The following NCAM2 variants were observed in gnomAD, a reference collection of about 807,000 sequenced individuals.
The protein encoded by NCAM2 is N-CAM-2.
A neutral mutation model predicts 98.1 loss-of-function variants in NCAM2; 30 were observed. The observed-to-expected ratio is 0.31, with a 90% confidence interval of 0.23 to 0.41. The LOEUF (loss-of-function observed/expected upper bound fraction) is 0.41, where lower values mean the gene tolerates loss of function less well. Ranked by LOEUF, NCAM2 falls within the 10% of genes least tolerant of loss-of-function variation. NCAM2 has a pLI of 1.00. For synonymous variants in NCAM2, 368 were observed against 342.4 expected (o/e 1.07, Z -0.83); for missense variants, 867 against 1,005.8 (o/e 0.86, Z 1.87).
At chr21:21,394,802 C>G (rs549225202) in intron 9 of NCAM2, among the ~76,000 whole-genome samples, 1 of 152,184 alleles carries the variant, frequency 6.6e-6, no homozygotes, top group Admixed American at 6.5e-5. Context: ...GAAAGACAAT[C>G]TATTACAATA....
intron 15 of NCAM2, among the ~76,000 whole-genome samples, chr21:21,486,317 A>C (rs1294653946): frequency 6.6e-6 from 1 of 150,906 alleles, no homozygotes; most frequent in Non-Finnish European, 1.5e-5. Flanking sequence ...AAAAAAAAAA[A>C]AAAAAAAAAA....
chr21:21,324,801 T>C (rs980889943), intron 6 of NCAM2, among the ~76,000 whole-genome samples: 4 of 152,124 alleles, frequency 2.6e-5, no homozygotes, highest in African/African-American at 4.8e-5. Flanking sequence ...AAACATTTTA[T>C]TATCATTACA....
At chr21:21,417,086 A>C (rs2077010203) in intron 10 of NCAM2, among the ~76,000 whole-genome samples, 1 of 152,140 alleles carries the variant, frequency 6.6e-6, no homozygotes, top group Non-Finnish European at 1.5e-5. Context: ...TATTTAAATT[A>C]TTAATCTTAA....
In NCAM2 at chr21:21,280,537, G is replaced by A. The variant is rs149847786; in HGVS notation, c.56-41G>A. 7.0e-3 allele frequency: 9,711 copies of A among 1,386,228 alleles called. 50 individuals carry two copies. Among genetic ancestry groups the A allele is most frequent in the Non-Finnish European group, 8.1e-3 (8,096 of 994,532 alleles). 85.9% of individuals were successfully genotyped at this position (1,386,228 alleles called of 1,614,324 possible). A position where few individuals can be genotyped will look rare whatever the true frequency, so the allele number is the denominator to read the frequency against. ...CATGCATTAAAATCTTAGAAATCAC[G>A]CTTAAAAATCACCATTAATTGTTTC... is the stretch of plus-strand genomic sequence containing the variant. On this transcript the variant is annotated intron_variant, in intron 1 of 17. Transcript: ENST00000400546.
intron 1 of NCAM2, among the ~76,000 whole-genome samples, chr21:21,128,084 G>A (rs1326792053): frequency 6.6e-6 from 1 of 151,990 alleles, no homozygotes; most frequent in Non-Finnish European, 1.5e-5. Context: ...TGTAGGAAAG[G>A]AAATATTACA....
chr21:21,012,821 C>A (rs373411507), intron 1 of NCAM2, among the ~76,000 whole-genome samples: 68 of 152,086 alleles, frequency 4.5e-4, no homozygotes, highest in South Asian at 2.3e-3. Context: ...AGGTAACTGG[C>A]AATATTTCAA....
chr21:21,514,487 A>C (rs905372435), intron 16 of NCAM2, among the ~76,000 whole-genome samples: 10 of 151,564 alleles, frequency 6.6e-5, no homozygotes, highest in South Asian at 2.1e-4. Flanking sequence ...AAAAAAAAAA[A>C]AAAAAAAAAA....
intron 1 of NCAM2, among the ~76,000 whole-genome samples, chr21:21,017,863 A>G (rs1176634372): frequency 6.6e-6 from 1 of 152,154 alleles, no homozygotes; most frequent in Non-Finnish European, 1.5e-5. Context: ...CTGTGTATAT[A>G]TATTTGTGTG....
chr21:21,082,337 C>G (rs2065825147), intron 1 of NCAM2, among the ~76,000 whole-genome samples: 1 of 147,228 alleles, frequency 6.8e-6, no homozygotes, highest in Non-Finnish European at 1.5e-5. Flanking sequence ...TACAGAAGTG[C>G]TGTATGCATT....
chr21:21,499,656 A>C (rs1487806329), intron 15 of NCAM2, among the ~76,000 whole-genome samples: 1 of 152,216 alleles, frequency 6.6e-6, no homozygotes, highest in Admixed American at 6.5e-5. Context: ...AACAAGTAAC[A>C]AGAAGCTACT....
intron 1 of NCAM2, among the ~76,000 whole-genome samples, chr21:21,163,678 G>T (rs1569095766): frequency 6.6e-6 from 1 of 151,982 alleles, no homozygotes; most frequent in Non-Finnish European, 1.5e-5. Flanking sequence ...GTTTCTATTT[G>T]TTTGCTGAGT....
At chr21:21,298,513 C>A (rs1246950317) in intron 5 of NCAM2, among the ~76,000 whole-genome samples, 1 of 151,434 alleles carries the variant, frequency 6.6e-6, no homozygotes, top group African/African-American at 2.4e-5. Flanking sequence ...AAAAGTATAT[C>A]TTTTTCTCCT....
At chr21:21,242,493 A>T (rs925036453) in intron 1 of NCAM2, among the ~76,000 whole-genome samples, 2 of 152,150 alleles carry the variant, frequency 1.3e-5, no homozygotes, top group Non-Finnish European at 2.9e-5. Context: ...TCGTTTCCCA[A>T]TCACCTGTGT....
chr21:21,215,172 A>G (rs1381074326), intron 1 of NCAM2, among the ~76,000 whole-genome samples: 2 of 152,076 alleles, frequency 1.3e-5, no homozygotes, highest in East Asian at 3.9e-4. Flanking sequence ...ATGCCCCATG[A>G]CTAGTGAAGT....
intron 1 of NCAM2, among the ~76,000 whole-genome samples, chr21:21,266,419 T>C (rs2072275426): frequency 6.6e-6 from 1 of 152,028 alleles, no homozygotes; most frequent in African/African-American, 2.4e-5. Context: ...TATGGCCATA[T>C]AAACAAATAA....
At chr21:21,029,193 T>C (rs1438037788) in intron 1 of NCAM2, among the ~76,000 whole-genome samples, 2 of 152,244 alleles carry the variant, frequency 1.3e-5, no homozygotes. Flanking sequence ...ACAATGATCT[T>C]CTTTCTTCTT....
intron 1 of NCAM2, among the ~76,000 whole-genome samples, chr21:21,218,566 T>C (rs555771273): frequency 2.0e-5 from 3 of 152,234 alleles, no homozygotes; most frequent in East Asian, 3.9e-4. Context: ...ATTAGGTGGG[T>C]CCAGTGTAAC....
rs552523687 is a variant in NCAM2, at chr21:21,331,952, G to T, written c.738-3553G>T. Among the ~76,000 whole-genome samples the T allele has an allele frequency of 5.9e-5, 9 of 151,592 alleles. No homozygotes were observed. The South Asian group carries it at 1.9e-3, about 32-fold the overall frequency. On this transcript the variant is annotated intron_variant, in intron 6 of 17. Coordinates refer to ENST00000400546, the MANE Select transcript of NCAM2 (RefSeq NM_004540.5). Reference sequence around the variant, plus strand: ...AAGTCTAGCCCTGTCGTCCAGGCTGGAGTGCTGTGGTGTGATCTTGGCTCA... The same window carrying T: ...AAGTCTAGCCCTGTCGTCCAGGCTGTAGTGCTGTGGTGTGATCTTGGCTCA...
chr21:21,069,339 C>T (rs951825915), intron 1 of NCAM2, among the ~76,000 whole-genome samples: 1 of 152,074 alleles, frequency 6.6e-6, no homozygotes, highest in Non-Finnish European at 1.5e-5. Flanking sequence ...TTTATTTAAC[C>T]TTTAAAATTG....
Sources: allele counts gnomAD v4.1 joint callset (sites outside exome capture counted in the v4.1 genomes callset), GRCh38; gene constraint gnomAD v4.1.1; transcripts MANE v1.5; gene names NCBI Gene and HGNC (gene_info 2026-07-23, HGNC 2026-07-21).